Variants in FUS observed in about 807,000 individuals in gnomAD.
FUS encodes RNA-binding protein FUS.
FUS carries 5 observed loss-of-function variants against 82.7 expected under a neutral mutation model. That is an observed-to-expected ratio of 0.06 (90% CI 0.03 to 0.13). The LOEUF is 0.13. Among genes scored for constraint, FUS ranks in the 10% least tolerant of loss-of-function variants. The probability of loss-of-function intolerance (pLI) is 1.00; values close to 1 mark genes in which losing one functional copy is unlikely to be tolerated. For missense variants in FUS, 512 were observed against 707.8 expected (o/e 0.72, Z 3.14); for synonymous variants, 281 against 247.4 (o/e 1.14, Z -1.27).
At chr16:31,188,624 GC>G (rs1158404216) in intron 8 of FUS, 7 of 573,406 alleles carry the variant, frequency 1.2e-5, no homozygotes, top group Non-Finnish European at 2.2e-5. Context: ...TGATGCTGAT[GC>G]GTCTGGACCA....
At chr16:31,189,855 A>G (rs1364486943) in intron 10 of FUS, 61 bp downstream of exon 10, 1 of 1,612,698 alleles carries the variant, frequency 6.2e-7, no homozygotes, top group East Asian at 2.2e-5. Flanking sequence ...GCCTTAGGAA[A>G]CAAGCCATAG....
Position 31,189,080 on chromosome 16 carries a change from A to T in FUS, c.833-43A>T, listed in dbSNP as rs77308300. The T allele has an allele frequency of 5.0e-5, 74 of 1,476,502 alleles. 1 individual carries two copies. The highest frequency in any genetic ancestry group is 4.6e-4 in the African/African-American group (33 of 72,144). The allele number at this position is 1,476,502 out of a possible 1,614,324, so 91.5% of individuals were successfully genotyped here. ...CTTTAGGTTTTTTCCTGTGTTTTTT[A>T]TTTTACCTTTTCACATTTGCATTTT... On this transcript the variant is annotated intron_variant, in intron 8 of 14. Coordinates refer to ENST00000254108, the MANE Select transcript of FUS (RefSeq NM_004960.4).
At chr16:31,190,240 A>C in intron 11 of FUS, 35 bp from the exon 12 acceptor site, 1 of 1,613,868 alleles carries the variant, frequency 6.2e-7, no homozygotes, top group Non-Finnish European at 8.5e-7. Context: ...AAACTTGGAG[A>C]GGGAGCAGAC....
In FUS at chr16:31,191,084, C is replaced by G; in HGVS notation, c.1515C>G (p.Gly505=). The G allele has an allele frequency of 6.2e-7, 1 of 1,612,950 alleles. No individual in the cohort carries two copies. Among genetic ancestry groups the G allele is most frequent in the Non-Finnish European group, 8.5e-7 (1 of 1,179,992 alleles). The change falls in exon 14 of 15, where the codon GGC becomes GGG. Residue 505 remains glycine (G), a synonymous_variant. Coordinates refer to ENST00000254108, the MANE Select transcript of FUS (RefSeq NM_004960.4). The part of the protein sequence containing the change: ...RGGRGGGDRG[G]FGPGKMDSRG... ...GCCGGGGTGGTGGGGACAGAGGTGG[C>G]TTTGGCCCTGGCAAGATGGATTCCA...
At chr16:31,191,144 A>C (rs2144140670) in intron 14 of FUS, 34 bp downstream of exon 14, 2 of 1,609,584 alleles carry the variant, frequency 1.2e-6, no homozygotes, top group East Asian at 4.5e-5. Context: ...AAAGTAGAGC[A>C]GTTGAACAGA....
In FUS at chr16:31,185,191, A is replaced by C. The variant is rs143916861; in HGVS notation, c.764+12A>C. The C allele has an allele frequency of 3.9e-4, 621 of 1,599,424 alleles. No individual in the cohort carries two copies. The East Asian group carries it at 5.4e-3, about 14-fold the overall frequency. On this transcript the variant is annotated intron_variant, in intron 6 of 14. Coordinates refer to ENST00000254108, the MANE Select transcript of FUS (RefSeq NM_004960.4). Reference sequence around the variant, plus strand: ...AGAGGTGGCATGGGGTAGGTGTCTCATGAGCCAGGGAGTATCTTTGGTGGG... The same window carrying C: ...AGAGGTGGCATGGGGTAGGTGTCTCCTGAGCCAGGGAGTATCTTTGGTGGG...
At chr16:31,188,819 C>G (rs1010555278) in intron 8 of FUS, 5 of 482,874 alleles carry the variant, frequency 1.0e-5, no homozygotes, top group African/African-American at 3.9e-5. Flanking sequence ...GGACCTTCAA[C>G]TGAAAGTTGA....
At chr16:31,186,495 A>T in intron 6 of FUS, 3 of 482,240 alleles carry the variant, frequency 6.2e-6, no homozygotes, top group Non-Finnish European at 1.1e-5. Flanking sequence ...GACAAGAGGA[A>T]AAAAAAACAT....
intron 6 of FUS, 44 bp downstream of exon 6, chr16:31,185,223 G>C: frequency 6.4e-7 from 1 of 1,564,744 alleles, no homozygotes; most frequent in Non-Finnish European, 8.7e-7. Flanking sequence ...TGGGGAGTGT[G>C]GAGGATTGCA....
intron 1 of FUS, among the ~76,000 whole-genome samples, chr16:31,180,459 G>C (rs1399170028): frequency 2.0e-5 from 3 of 152,172 alleles, no homozygotes; most frequent in Non-Finnish European, 4.4e-5. Flanking sequence ...CCGTTTGCTT[G>C]GGGTGGGCGT....
At chr16:31,192,978 T>G, downstream of FUS, 1 of 485,712 alleles carries the variant, frequency 2.1e-6, no homozygotes, top group South Asian at 1.5e-5. Context: ...CTTTATTTTT[T>G]GAGATGGAGT....
At chr16:31,181,215 C>A (rs564048922) in intron 1 of FUS, among the ~76,000 whole-genome samples, 3 of 152,302 alleles carry the variant, frequency 2.0e-5, no homozygotes, top group African/African-American at 7.2e-5. Context: ...CACGCCTGGT[C>A]TAAATTTCTT....
chr16:31,185,568 C>G (rs1008609471), intron 6 of FUS: 1 of 537,858 alleles, frequency 1.9e-6, no homozygotes, highest in East Asian at 4.1e-5. Context: ...TATGTGTATT[C>G]CCATGTGTCC....
intron 14 of FUS, 106 bp downstream of exon 14, chr16:31,191,216 AC>A: frequency 6.6e-7 from 1 of 1,519,700 alleles, no homozygotes; most frequent in Non-Finnish European, 9.0e-7. Context: ...AGGTGGAAAG[AC>A]CTGAGGTTGT....
chr16:31,180,130 G>A (rs773765940), upstream of FUS: 42 of 1,560,144 alleles, frequency 2.7e-5, no homozygotes, highest in Non-Finnish European at 3.5e-5. Context: ...CGACGCAGGA[G>A]GCGGGGCTGC....
At chr16:31,184,426 C>T (rs771515299) in intron 5 of FUS, 30 bp downstream of exon 5, 2 of 1,511,468 alleles carry the variant, frequency 1.3e-6, no homozygotes, top group Admixed American at 3.6e-5. Context: ...GTCTGCAGCC[C>T]ATTTTCTTTT....
intron 1 of FUS, 115 bp from the exon 2 acceptor site, chr16:31,182,283 G>T (rs774398672): frequency 4.8e-6 from 6 of 1,243,898 alleles, no homozygotes; most frequent in Non-Finnish European, 5.9e-6. Flanking sequence ...GATCCACCGT[G>T]CCTGGCCTAC....
At position 31,182,489 on chromosome 16, in the gene FUS, C is replaced by T. The variant is rs373272889; in HGVS notation, c.39-24C>T. The T allele has an allele frequency of 2.5e-6, 4 of 1,614,180 alleles. No homozygotes were observed. In the East Asian group the frequency reaches 8.9e-5, roughly 36 times the overall value. On this transcript the variant is annotated intron_variant, in intron 2 of 14. Coordinates refer to ENST00000254108, the MANE Select transcript of FUS (RefSeq NM_004960.4). ...GGGTGGTCACGCCATGTTTTCTGAT[C>T]ACGCTGGTTTTCCTTTTATTTAGCT...
At chr16:31,187,740 TAAG>T in intron 7 of FUS, 2 of 234,948 alleles carry the variant, frequency 8.5e-6, no homozygotes, top group Non-Finnish European at 1.7e-5. Flanking sequence ...ATTACGGAAA[TAAG>T]ATTTCTGGTC....
Sources: gnomAD v4.1 joint callset for allele counts (sites outside exome capture counted in the v4.1 genomes callset) on GRCh38, gnomAD v4.1.1 for gene constraint, MANE v1.5 for transcripts, NCBI Gene and HGNC (gene_info 2026-07-23, HGNC 2026-07-21) for gene names.